Variants in GABRB2 observed in about 807,000 individuals in gnomAD.
The protein encoded by GABRB2 is gamma-aminobutyric acid type A receptor subunit beta2, also known as gamma-aminobutyric acid receptor subunit beta-2.
In GABRB2, 16 loss-of-function variants were observed where a neutral mutation model predicts 54.7. That is an observed-to-expected ratio of 0.29 (90% CI 0.20 to 0.44). GABRB2 has a LOEUF of 0.44. Ranked by LOEUF, GABRB2 falls within the 20% of genes least tolerant of loss-of-function variation. The pLI is 1.00. For synonymous variants in GABRB2, 244 were observed against 233.8 expected, an observed-to-expected ratio of 1.04 and a Z score of -0.40; for missense variants, 355 against 644.0, an observed-to-expected ratio of 0.55 and a Z score of 4.86.
chr5:161,352,998 A>G (rs1754518657), intron 5 of GABRB2, among the ~76,000 whole-genome samples: 1 of 152,060 alleles, frequency 6.6e-6, no homozygotes, highest in African/African-American at 2.4e-5. Flanking sequence ...AGCCAATGAT[A>G]CTGCTTATAT....
At chr5:161,546,802 TAAAAA>T, upstream of GABRB2, 4 of 1,212,504 alleles carry the variant, frequency 3.3e-6, no homozygotes, top group Non-Finnish European at 4.3e-6. Flanking sequence ...TTTCCTTGTT[TAAAAA>T]AAAAAAAAAA....
At chr5:161,331,850 G>C (rs765286866) in intron 7 of GABRB2, among the ~76,000 whole-genome samples, 1 of 152,082 alleles carries the variant, frequency 6.6e-6, no homozygotes, top group Admixed American at 6.5e-5. Context: ...ATGATGGGGA[G>C]AAGCAGGCAT....
Position 161,500,214 on chromosome 5 carries a change from T to C in GABRB2, c.238-40370A>G, listed in dbSNP as rs1022559326. 1.4e-4 allele frequency among the ~76,000 whole-genome samples: 21 copies of C among 152,338 alleles called. 1 individual carries two copies. In the East Asian group the frequency reaches 2.1e-3, roughly 15 times the overall value. Reference sequence around the variant, plus strand: ...TATTCAGACTACTACTTACTGTGTGTCCTTAATTAAGTAAACTAAGTACCT... The same window carrying C: ...TATTCAGACTACTACTTACTGTGTGCCCTTAATTAAGTAAACTAAGTACCT... On this transcript the variant is annotated intron_variant, in intron 3 of 9. Transcript: ENST00000393959.
chr5:161,445,600 C>T (rs919211602), intron 4 of GABRB2, among the ~76,000 whole-genome samples: 1 of 152,000 alleles, frequency 6.6e-6, no homozygotes, highest in African/African-American at 2.4e-5. Flanking sequence ...GAAACATTTA[C>T]AATTTTCTCT....
At chr5:161,514,075 T>C (rs1441595236) in intron 3 of GABRB2, among the ~76,000 whole-genome samples, 8 of 152,170 alleles carry the variant, frequency 5.3e-5, no homozygotes, top group African/African-American at 1.9e-4. Context: ...GCCAAAAATA[T>C]CAGCTAAGTG....
intron 5 of GABRB2, among the ~76,000 whole-genome samples, chr5:161,374,444 A>C (rs1755224138): frequency 6.6e-6 from 1 of 152,198 alleles, no homozygotes; most frequent in Non-Finnish European, 1.5e-5. Context: ...AGTTCTCTCA[A>C]GCTGTTCATT....
chr5:161,349,948 A>G (rs531605987), intron 5 of GABRB2, among the ~76,000 whole-genome samples: 9 of 152,150 alleles, frequency 5.9e-5, no homozygotes, highest in Non-Finnish European at 8.8e-5. Context: ...AAAATAAGAA[A>G]TGTCTGTTTT....
chr5:161,409,395 T>A (rs1756441106), intron 5 of GABRB2, among the ~76,000 whole-genome samples: 1 of 152,134 alleles, frequency 6.6e-6, no homozygotes, highest in African/African-American at 2.4e-5. Flanking sequence ...GAGTCAAAAT[T>A]ATAATTTAAT....
chr5:161,430,085 T>C (rs1167594254), intron 4 of GABRB2, among the ~76,000 whole-genome samples: 2 of 152,216 alleles, frequency 1.3e-5, no homozygotes, highest in African/African-American at 2.4e-5. Context: ...CAGCCCTTGA[T>C]AAAATCTGGA....
In GABRB2 at chr5:161,291,495, G is replaced by T. The variant is rs1757236650; in HGVS notation, c.*2586C>A. The stretch of plus-strand genomic sequence containing the variant: ...TATTTCTGGAGAGGCTGAGTCAGTT[G>T]TTTCTATCTCTGTGGTTACTGAGTG... On this transcript the variant is annotated 3_prime_UTR_variant, in exon 10 of 10. Coordinates refer to ENST00000393959, the MANE Select transcript of GABRB2 (RefSeq NM_001371727.1). 1 of 152,188 alleles carries T rather than the reference G, an allele frequency of 6.6e-6. No homozygotes were observed. The highest frequency in any genetic ancestry group is 1.5e-5 in the Non-Finnish European group (1 of 68,004). The allele number at this position is 152,188 out of a possible 1,614,324, so 9.4% of individuals were successfully genotyped here. A position where few individuals can be genotyped will look rare whatever the true frequency, so the allele number is the denominator to read the frequency against.
intron 3 of GABRB2, among the ~76,000 whole-genome samples, chr5:161,538,550 T>G (rs1407756328): frequency 1.3e-5 from 2 of 152,160 alleles, no homozygotes; most frequent in Admixed American, 1.3e-4. Context: ...ACCTGGGCGG[T>G]GGTGGCTCAC....
intron 3 of GABRB2, among the ~76,000 whole-genome samples, chr5:161,478,005 C>A (rs769457658): frequency 3.9e-5 from 6 of 151,942 alleles, no homozygotes; most frequent in Non-Finnish European, 8.8e-5. Context: ...TGCAAAGAAA[C>A]CTTCACTTGC....
chr5:161,411,140 GAC>G, intron 4 of GABRB2, 83 bp from the exon 5 acceptor site: 1 of 1,028,706 alleles, frequency 9.7e-7, no homozygotes, highest in Non-Finnish European at 1.5e-6. Flanking sequence ...TCAAAGAAGA[GAC>G]TGTGATTTAC....
At chr5:161,337,986 T>C (rs556894867) in intron 5 of GABRB2, among the ~76,000 whole-genome samples, 1 of 152,318 alleles carries the variant, frequency 6.6e-6, no homozygotes, top group South Asian at 2.1e-4. Context: ...CCTTTTGACA[T>C]GTGACTAGTC....
chr5:161,545,112 C>A (rs1760936925), intron 3 of GABRB2, 115 bp downstream of exon 3: 4 of 632,384 alleles, frequency 6.3e-6, no homozygotes, highest in Non-Finnish European at 1.1e-5. Flanking sequence ...CATGCTCTCA[C>A]CCCCACCTCA....
intron 3 of GABRB2, among the ~76,000 whole-genome samples, chr5:161,538,519 C>G (rs1760712661): frequency 6.6e-6 from 1 of 152,148 alleles, no homozygotes; most frequent in Non-Finnish European, 1.5e-5. Flanking sequence ...TCTGATGTAA[C>G]TATAAGAATA....
chr5:161,404,505 A>G (rs1756290134), intron 5 of GABRB2, among the ~76,000 whole-genome samples: 1 of 152,116 alleles, frequency 6.6e-6, no homozygotes, highest in Non-Finnish European at 1.5e-5. Context: ...ACACATAAAC[A>G]GACACATGCA....
intron 3 of GABRB2, among the ~76,000 whole-genome samples, chr5:161,498,128 C>T (rs1759314311): frequency 6.6e-6 from 1 of 151,988 alleles, no homozygotes; most frequent in South Asian, 2.1e-4. Context: ...GAAGGCTTTC[C>T]ATGGATCTTT....
intron 5 of GABRB2, among the ~76,000 whole-genome samples, chr5:161,384,765 G>C (rs1287047236): frequency 6.6e-6 from 1 of 152,118 alleles, no homozygotes; most frequent in Non-Finnish European, 1.5e-5. Flanking sequence ...CTCTAAGGCA[G>C]GGCTTGTACT....
Sources: allele counts gnomAD v4.1 joint callset (sites outside exome capture counted in the v4.1 genomes callset), GRCh38; gene constraint gnomAD v4.1.1; transcripts MANE v1.5; gene names NCBI Gene and HGNC (gene_info 2026-07-23, HGNC 2026-07-21).